PEX13: variants seen among roughly 807,000 people sequenced by gnomAD.
The protein encoded by PEX13 is peroxisomal biogenesis factor 13.
In PEX13, 28 loss-of-function variants were observed where a neutral mutation model predicts 34.5. The observed-to-expected ratio is 0.81, with a 90% CI of 0.60 to 1.11. PEX13 has a LOEUF of 1.11. PEX13 is among the 50% of genes most tolerant of loss of function. The pLI is 0.00. For missense variants in PEX13, 550 were observed against 491.0 expected, an observed-to-expected ratio of 1.12 and a Z score of -1.13; for synonymous variants, 177 against 175.1, an observed-to-expected ratio of 1.01 and a Z score of -0.09.
Position 61,051,405 on chromosome 2 carries a change from G to A in PEX13, c.*2635G>A, listed in dbSNP as rs1171665414. 1 of 152,424 alleles carries A rather than the reference G, an allele frequency of 6.6e-6. No individual in the cohort carries two copies. Among genetic ancestry groups the A allele is most frequent in the African/African-American group, 2.4e-5 (1 of 41,566 alleles). 9.4% of individuals were successfully genotyped at this position (152,424 alleles called of 1,614,324 possible). ...TAGGGAGAAGAGTACAGCACAAAGT[G>A]ATAAAATAGTGACACTTTTGTAGGG... On this transcript the variant is annotated 3_prime_UTR_variant, in exon 4 of 4. Coordinates refer to ENST00000295030, the MANE Select transcript of PEX13 (RefSeq NM_002618.4).
chr2:61,041,091 G>A (rs923908680), intron 2 of PEX13, among the ~76,000 whole-genome samples: 26 of 152,034 alleles, frequency 1.7e-4, no homozygotes, highest in South Asian at 4.1e-4. Flanking sequence ...CCTGCAGATC[G>A]CTTAAGCCTG....
chr2:61,018,089 T>C, intron 1 of PEX13: 2 of 1,522,006 alleles, frequency 1.3e-6, no homozygotes, highest in Non-Finnish European at 1.8e-6. Context: ...CTCCTGGGCG[T>C]CTCTCTGGGT....
At position 61,019,539 on chromosome 2, in the gene PEX13, C is replaced by G. The variant is rs375651540; in HGVS notation, c.92+1688C>G. Among the ~76,000 whole-genome samples, 3 of 152,146 alleles carry G rather than the reference C, an allele frequency of 2.0e-5. No homozygotes were observed. The East Asian group carries it at 5.8e-4, about 29-fold the overall frequency. On this transcript the variant is annotated intron_variant, in intron 1 of 3. Coordinates refer to ENST00000295030, the MANE Select transcript of PEX13 (RefSeq NM_002618.4). ...TTCTGTATGTTTTCTTTTAAATCTT[C>G]CGGTTTTTTCATTTGCATTTAATCC...
intron 2 of PEX13, among the ~76,000 whole-genome samples, chr2:61,038,967 C>T (rs1220847746): frequency 6.6e-6 from 1 of 152,052 alleles, no homozygotes; most frequent in Non-Finnish European, 1.5e-5. Context: ...CAGTAATAGC[C>T]AAATCATGAG....
Position 61,031,925 on chromosome 2 carries a change from G to A in PEX13, c.599G>A (p.Gly200Asp), listed in dbSNP as rs753698277. 3.4e-5 allele frequency: 55 copies of A among 1,614,068 alleles called. No homozygotes were observed. The Middle Eastern group carries it at 4.9e-4, about 14-fold the overall frequency. ...YLYRRLQRML[G>D]LRRGSENEDL... ...TACAGACGGCTACAGCGGATGTTAG[G>A]TTTAAGAAGAGGCTCTGAGAATGAA... Residue 200 changes from glycine to aspartate, a missense_variant, in exon 2 of 4, where the codon GGT (glycine) becomes GAT (aspartate). Transcript: ENST00000295030.
chr2:61,043,263 G>A (rs1437174801), intron 2 of PEX13, among the ~76,000 whole-genome samples: 3 of 150,962 alleles, frequency 2.0e-5, no homozygotes, highest in East Asian at 1.9e-4. Context: ...TTGGTAGGCC[G>A]AGGCGGGCGG....
intron 2 of PEX13, among the ~76,000 whole-genome samples, chr2:61,045,144 G>C (rs1680686360): frequency 6.6e-6 from 1 of 152,124 alleles, no homozygotes; most frequent in African/African-American, 2.4e-5. Flanking sequence ...CATACTCATA[G>C]ACTCATATTA....
In PEX13 at chr2:61,026,344, CT is replaced by C. The variant is rs71402320; in HGVS notation, c.93-5057del. Among the ~76,000 whole-genome samples, 215 of 121,216 alleles carry C rather than the reference CT, an allele frequency of 1.8e-3. 1 individual carries two copies. The highest frequency in any genetic ancestry group is 0.017 in the South Asian group (65 of 3,806). 79.5% of individuals were successfully genotyped at this position (121,216 alleles called of 152,430 possible). ...TGGCTGTGGCCACCTTTTCTTTTTT[CT>C]TTTTTTTTTTTTTTTTTGAGACGGA... On this transcript the variant is annotated intron_variant, in intron 1 of 3. Transcript: ENST00000295030.
intron 2 of PEX13, among the ~76,000 whole-genome samples, chr2:61,038,834 C>T (rs1437614908): frequency 6.6e-6 from 1 of 152,182 alleles, no homozygotes; most frequent in Non-Finnish European, 1.5e-5. Context: ...TTGCAGATGA[C>T]ATGGTTGTAT....
At chr2:61,036,910 G>A (rs1680544766) in intron 2 of PEX13, among the ~76,000 whole-genome samples, 1 of 151,894 alleles carries the variant, frequency 6.6e-6, no homozygotes, top group Non-Finnish European at 1.5e-5. Context: ...ACACACATAG[G>A]CTCAAAATAA....
At chr2:61,020,285 A>G (rs1421185311) in intron 1 of PEX13, among the ~76,000 whole-genome samples, 2 of 152,088 alleles carry the variant, frequency 1.3e-5, no homozygotes, top group Non-Finnish European at 2.9e-5. Flanking sequence ...TCCATATTTT[A>G]TTTTTTATTC....
intron 1 of PEX13, among the ~76,000 whole-genome samples, chr2:61,023,355 G>A (rs1179129220): frequency 6.6e-6 from 1 of 151,166 alleles, no homozygotes; most frequent in Admixed American, 6.6e-5. Context: ...GCCTTGATAC[G>A]TTTGGTCCTC....
intron 1 of PEX13, among the ~76,000 whole-genome samples, chr2:61,024,984 T>C (rs984293070): frequency 6.6e-6 from 1 of 152,232 alleles, no homozygotes; most frequent in African/African-American, 2.4e-5. Flanking sequence ...CACAGTTGTT[T>C]AAAGTTTCTG....
chr2:61,027,122 A>G (rs1267789302), intron 1 of PEX13, among the ~76,000 whole-genome samples: 1 of 151,642 alleles, frequency 6.6e-6, no homozygotes, highest in Non-Finnish European at 1.5e-5. Context: ...CAGGAGTTGG[A>G]AACCAGCCTC....
intron 1 of PEX13, among the ~76,000 whole-genome samples, chr2:61,026,369 G>C (rs536899723): frequency 9.4e-5 from 13 of 138,762 alleles, no homozygotes; most frequent in African/African-American, 3.6e-4. Flanking sequence ...TTTTGAGACG[G>C]AGTCTCACTC....
chr2:61,025,620 A>G (rs1680341468), intron 1 of PEX13, among the ~76,000 whole-genome samples: 1 of 152,106 alleles, frequency 6.6e-6, no homozygotes, highest in Admixed American at 6.6e-5. Context: ...CAGCCTCCCA[A>G]AGTGCTGGGA....
At chr2:61,041,715 T>A (rs1343982553) in intron 2 of PEX13, among the ~76,000 whole-genome samples, 1 of 152,094 alleles carries the variant, frequency 6.6e-6, no homozygotes, top group Non-Finnish European at 1.5e-5. Flanking sequence ...TGTGGGAGAT[T>A]GTCAGTTTTT....
At chr2:61,039,597 A>G (rs1027282113) in intron 2 of PEX13, among the ~76,000 whole-genome samples, 1 of 152,188 alleles carries the variant, frequency 6.6e-6, no homozygotes, top group Non-Finnish European at 1.5e-5. Context: ...TTAACTCAAG[A>G]TGGATTAAAA....
intron 1 of PEX13, among the ~76,000 whole-genome samples, chr2:61,023,615 A>G (rs766216410): frequency 3.3e-5 from 5 of 152,104 alleles, no homozygotes; most frequent in Non-Finnish European, 4.4e-5. Context: ...GCTATAAGTA[A>G]CATTATCTGA....
Sources: gnomAD v4.1 joint callset for allele counts (sites outside exome capture counted in the v4.1 genomes callset) on GRCh38, gnomAD v4.1.1 for gene constraint, MANE v1.5 for transcripts, NCBI Gene and HGNC (gene_info 2026-07-23, HGNC 2026-07-21) for gene names.